Variants in CFAP43 observed in about 807,000 individuals in gnomAD.
The protein encoded by CFAP43 is cilia and flagella associated protein 43.
A neutral mutation model predicts 218.9 loss-of-function variants in CFAP43; 155 were observed. That is an observed-to-expected ratio of 0.71 (90% CI 0.62 to 0.81). CFAP43 has a LOEUF of 0.81. Among genes scored for constraint, CFAP43 ranks in the 30% least tolerant of loss-of-function variants. The pLI is 0.00. For missense variants in CFAP43, 1,778 were observed against 1,954.3 expected (o/e 0.91, Z 1.70); for synonymous variants, 645 against 681.3 (o/e 0.95, Z 0.83).
intron 15 of CFAP43, among the ~76,000 whole-genome samples, 167 bp from the exon 16 acceptor site, chr10:104,185,313 C>T (rs1171484647): frequency 6.6e-6 from 1 of 152,016 alleles, no homozygotes; most frequent in Non-Finnish European, 1.5e-5. Context: ...TATTTAAAAT[C>T]CCCAGTTCAA....
rs750821322 is a variant in CFAP43 at position 104,167,744 on chromosome 10, G to GA, written c.2692-8dup. Reference sequence around the variant, plus strand: ...CACAGGGGATATGAAAACACTTGGGGAAAAAAACGCAAGACAAAATAAATC... The same window carrying GA: ...CACAGGGGATATGAAAACACTTGGGGAAAAAAAACGCAAGACAAAATAAATC... On this transcript the variant is annotated splice_polypyrimidine_tract_variant and splice_region_variant and intron_variant, in intron 21 of 37. Transcript: ENST00000357060. 16 of 1,589,914 alleles carry GA rather than the reference G, an allele frequency of 1.0e-5. No individual in the cohort carries two copies. The highest frequency in any genetic ancestry group is 3.7e-5 in the Admixed American group (2 of 54,378).
chr10:104,179,552 G>A (rs1178841216), intron 18 of CFAP43, among the ~76,000 whole-genome samples: 3 of 152,114 alleles, frequency 2.0e-5, no homozygotes, highest in Non-Finnish European at 4.4e-5. Context: ...CTCACTCCAC[G>A]GTGGAGTACT....
At chr10:104,222,717 C>G (rs549193571) in intron 3 of CFAP43, among the ~76,000 whole-genome samples, 3 of 152,196 alleles carry the variant, frequency 2.0e-5, no homozygotes, top group Admixed American at 6.5e-5. Flanking sequence ...TACCCATAGT[C>G]TCAGTCTCAC....
chr10:104,135,748 G>A lies in CFAP43; in HGVS notation c.4432-1964C>T, dbSNP rs151012858. 1.9e-3 allele frequency among the ~76,000 whole-genome samples: 291 copies of A among 151,944 alleles called. 2 individuals are homozygous for A. The highest frequency in any genetic ancestry group is 6.9e-3 in the African/African-American group (285 of 41,446). On this transcript the variant is annotated intron_variant, in intron 34 of 37. Coordinates refer to ENST00000357060, the MANE Select transcript of CFAP43 (RefSeq NM_025145.7). ...TTAAATAAATGGAAAGTCATCCCAT[G>A]TTCTTGGATCAAAAGACTTAAGACA...
chr10:104,186,013 A>C lies in CFAP43; in HGVS notation c.1971T>G (p.Ala657=). ...SSHGLWLITI[A]KCGILCIRDV... ...CTCGGATACACAGAATTCCACATTT[A>C]GCTATTGTTATGAGCCACAATCCAT... The change falls in exon 15 of 38, where the codon GCT becomes GCG. Residue 657 remains alanine (A), a synonymous_variant. Coordinates refer to ENST00000357060, the MANE Select transcript of CFAP43 (RefSeq NM_025145.7). 1 of 1,611,534 alleles carries C rather than the reference A, an allele frequency of 6.2e-7. No homozygotes were observed. Among genetic ancestry groups the C allele is most frequent in the South Asian group, 1.1e-5 (1 of 90,410 alleles).
intron 33 of CFAP43, among the ~76,000 whole-genome samples, chr10:104,141,576 A>G (rs564439498): frequency 6.6e-6 from 1 of 152,270 alleles, no homozygotes; most frequent in Admixed American, 6.5e-5. Flanking sequence ...GTGCCACTGC[A>G]CTCCAGCTTG....
chr10:104,163,255 T>TTTTCCTC (rs2088971542), intron 24 of CFAP43, among the ~76,000 whole-genome samples: 1 of 152,182 alleles, frequency 6.6e-6, no homozygotes, highest in Non-Finnish European at 1.5e-5. Flanking sequence ...ATGGAACTAA[T>TTTTCCTC]ATCAGTACCT....
At chr10:104,181,033 A>T (rs1314005356) in intron 17 of CFAP43, among the ~76,000 whole-genome samples, 1 of 152,136 alleles carries the variant, frequency 6.6e-6, no homozygotes, top group African/African-American at 2.4e-5. Context: ...CTCTCCCCAG[A>T]ACCCAAGGTT....
intron 16 of CFAP43, among the ~76,000 whole-genome samples, chr10:104,183,636 G>T (rs924686798): frequency 6.6e-6 from 1 of 152,056 alleles, no homozygotes; most frequent in Non-Finnish European, 1.5e-5. Flanking sequence ...TGATCCACCC[G>T]CCTCAGCCTC....
intron 13 of CFAP43, 85 bp from the exon 14 acceptor site, chr10:104,187,577 A>C: frequency 8.2e-7 from 1 of 1,213,048 alleles, no homozygotes; most frequent in Non-Finnish European, 1.1e-6. Context: ...TATGAAAAGC[A>C]AAATAAAATT....
intron 29 of CFAP43, 73 bp downstream of exon 29, chr10:104,147,818 C>T (rs560032177): frequency 3.5e-5 from 36 of 1,034,948 alleles, no homozygotes; most frequent in East Asian, 7.6e-5. Flanking sequence ...GGTCTAGACA[C>T]GTGAGCTCTT....
At position 104,143,470 on chromosome 10, in the gene CFAP43, G is replaced by T. The variant is rs145845170; in HGVS notation, c.4114C>A (p.His1372Asn). ...PEGLDPLVWN[H>N]FCMTRRAKVE... The stretch of plus-strand genomic sequence containing the variant: ...TTTGCTCGTCTTGTCATGCAGAAAT[G>T]ATTCCAGACCAAAGGGTCCAAGCCT... The change falls in exon 32 of 38, where the codon CAT becomes AAT. Residue 1372 changes from histidine to asparagine, a missense_variant. By Grantham distance (68) the His-to-Asn change is moderately conservative. Coordinates refer to ENST00000357060, the MANE Select transcript of CFAP43 (RefSeq NM_025145.7). 2 of 1,614,038 alleles carry T rather than the reference G, an allele frequency of 1.2e-6. No individual in the cohort carries two copies. The highest frequency in any genetic ancestry group is 2.7e-5 in the African/African-American group (2 of 74,922).
intron 24 of CFAP43, among the ~76,000 whole-genome samples, chr10:104,162,715 G>T (rs2088943965): frequency 6.6e-6 from 1 of 151,990 alleles, no homozygotes; most frequent in East Asian, 1.9e-4. Context: ...TCTGAAGGAT[G>T]GGGGTCCTAA....
Position 104,179,942 on chromosome 10 carries a change from G to C in CFAP43, c.2290-10C>G. On this transcript the variant is annotated splice_polypyrimidine_tract_variant and intron_variant, in intron 17 of 37. Coordinates refer to ENST00000357060, the MANE Select transcript of CFAP43 (RefSeq NM_025145.7). ...TGCTTGCCTTCTGTTTCTGATACAT[G>C]GTAGAAAAAGACAGACATGTCTTAA... 1.2e-6 allele frequency: 2 copies of C among 1,603,960 alleles called. No individual in the cohort carries two copies. Among genetic ancestry groups the C allele is most frequent in the Non-Finnish European group, 1.7e-6 (2 of 1,172,738 alleles).
At position 104,214,433 on chromosome 10, in the gene CFAP43, GA is replaced by G; in HGVS notation, c.417-8del. On this transcript the variant is annotated splice_region_variant and splice_polypyrimidine_tract_variant and intron_variant, in intron 3 of 37. Transcript: ENST00000357060. Reference sequence around the variant, plus strand: ...GATACTCGATTCCCAGTTCCTTAGAGAAAAATAGCATTTGATGAAAAAAAGT... The same window carrying G: ...GATACTCGATTCCCAGTTCCTTAGAGAAAATAGCATTTGATGAAAAAAAGT... The G allele has an allele frequency of 6.4e-7, 1 of 1,551,646 alleles. No individual in the cohort carries two copies. The highest frequency in any genetic ancestry group is 1.2e-5 in the South Asian group (1 of 82,270).
intron 30 of CFAP43, 106 bp downstream of exon 30, chr10:104,146,157 G>T: frequency 1.2e-6 from 1 of 854,860 alleles, no homozygotes; most frequent in Non-Finnish European, 1.8e-6. Flanking sequence ...AATTAAGTGG[G>T]AGAAAAATCT....
rs781370565 is a variant in CFAP43 at position 104,166,662 on chromosome 10, A to G, written c.2865T>C (p.His955=). ...CTTCCTCTTCTTCATCATCCTCTTC[A>G]TGACGCTGTTTAATCAACTTAACTC... is the stretch of plus-strand genomic sequence containing the variant. ...QSGVKLIKQR[H]EEDDEEEEEE... is the part of the protein sequence containing the mutation. The change falls in exon 23 of 38, where the codon CAT becomes CAC. Residue 955 remains histidine, a synonymous_variant. Transcript: ENST00000357060. 7.4e-6 allele frequency: 12 copies of G among 1,613,970 alleles called. No homozygotes were observed. The highest frequency in any genetic ancestry group is 1.3e-5 in the African/African-American group (1 of 74,914).
chr10:104,197,753 G>T (rs2090419299), intron 9 of CFAP43, among the ~76,000 whole-genome samples, 169 bp downstream of exon 9: 1 of 152,198 alleles, frequency 6.6e-6, no homozygotes. Flanking sequence ...TTTGAAGATG[G>T]AAGTGTCTGG....
At chr10:104,187,182 G>A in intron 14 of CFAP43, 138 bp downstream of exon 14, 1 of 603,726 alleles carries the variant, frequency 1.7e-6, no homozygotes, top group Non-Finnish European at 2.5e-6. Flanking sequence ...CTAGCTCAAG[G>A]GAATTATATT....
Sources: allele counts gnomAD v4.1 joint callset (sites outside exome capture counted in the v4.1 genomes callset), GRCh38; gene constraint gnomAD v4.1.1; transcripts MANE v1.5; gene names NCBI Gene and HGNC (gene_info 2026-07-23, HGNC 2026-07-21).